The following THSD7A variants were observed in gnomAD, a reference collection of about 807,000 sequenced individuals.
THSD7A encodes the protein thrombospondin type 1 domain containing 7A, also known as thrombospondin type-1 domain-containing protein 7A.
Under a neutral mutation model 231.3 loss-of-function variants are expected in THSD7A, and 96 were observed. The observed-to-expected ratio is 0.41, with a 90% CI of 0.35 to 0.49. The LOEUF (loss-of-function observed/expected upper bound fraction) is 0.49, where lower values mean the gene tolerates loss of function less well. Ranked by LOEUF, THSD7A falls within the 20% of genes least tolerant of loss-of-function variation. The pLI, the probability that THSD7A is intolerant of heterozygous loss-of-function variation, is 0.05. For missense variants in THSD7A, 2,290 were observed against 2,070.2 expected, an observed-to-expected ratio of 1.11 and a Z score of -2.06; for synonymous variants, 940 against 743.3, an observed-to-expected ratio of 1.26 and a Z score of -4.30.
chr7:11,424,704 T>G lies in THSD7A; in HGVS notation c.3375A>C (p.Arg1125=). The change falls in exon 16 of 28, where the codon CGA becomes CGC. Residue 1125 remains arginine, a synonymous_variant. Coordinates refer to ENST00000423059, the MANE Select transcript of THSD7A (RefSeq NM_015204.3). ...ATTAGGCTTTGTCTTACCTCACTTT[T>G]CGGGTTTGCACGCCCTCTCCACAGT... ...RENCGEGVQT[R]KVRCMQNTAD... 6.2e-7 allele frequency: 1 copy of G among 1,613,976 alleles called. No homozygotes were observed. The highest frequency in any genetic ancestry group is 2.2e-5 in the East Asian group (1 of 44,876).
Position 11,823,517 on chromosome 7 carries a change from T to C in THSD7A, c.190+8240A>G, listed in dbSNP as rs187414649. ...CATGGCATTGGTATTTTGATAGAGA[T>C]TGCATTGAATCTGTAGATTTCTTTG... On this transcript the variant is annotated intron_variant, in intron 1 of 27. Coordinates refer to ENST00000423059, the MANE Select transcript of THSD7A (RefSeq NM_015204.3). Among the ~76,000 whole-genome samples the C allele has an allele frequency of 6.6e-5, 10 of 152,226 alleles. No individual in the cohort carries two copies. In the East Asian group the frequency reaches 1.7e-3, roughly 26 times the overall value.
At chr7:11,810,731 A>G (rs1784508479) in intron 1 of THSD7A, among the ~76,000 whole-genome samples, 1 of 152,220 alleles carries the variant, frequency 6.6e-6, no homozygotes, top group African/African-American at 2.4e-5. Context: ...ATGGACATGT[A>G]GGCAAAATTA....
intron 4 of THSD7A, among the ~76,000 whole-genome samples, chr7:11,543,479 A>G (rs1290389134): frequency 2.0e-5 from 3 of 152,234 alleles, no homozygotes; most frequent in Non-Finnish European, 4.4e-5. Context: ...AAAACTTCAG[A>G]GGACTGAACA....
At chr7:11,416,866 ACT>A (rs1783979547) in intron 17 of THSD7A, among the ~76,000 whole-genome samples, 1 of 151,748 alleles carries the variant, frequency 6.6e-6, no homozygotes, top group African/African-American at 2.4e-5. Context: ...GTGATTTGAA[ACT>A]CTCAGCTGGC....
At chr7:11,628,598 ATTGT>A (rs1339191752) in intron 2 of THSD7A, among the ~76,000 whole-genome samples, 6 of 151,954 alleles carry the variant, frequency 3.9e-5, no homozygotes, top group Non-Finnish European at 7.4e-5. Flanking sequence ...CTAATATTTT[ATTGT>A]TTCTTTTGTG....
At chr7:11,565,235 G>A (rs1790257933) in intron 4 of THSD7A, among the ~76,000 whole-genome samples, 1 of 152,188 alleles carries the variant, frequency 6.6e-6, no homozygotes, top group Non-Finnish European at 1.5e-5. Flanking sequence ...CAAAACTGTA[G>A]CATTTAGAAT....
chr7:11,700,565 G>GA (rs1358471812), intron 1 of THSD7A, among the ~76,000 whole-genome samples: 1 of 151,094 alleles, frequency 6.6e-6, no homozygotes, highest in Non-Finnish European at 1.5e-5. Context: ...AATCTTCATT[G>GA]AAAATTATGG....
intron 1 of THSD7A, among the ~76,000 whole-genome samples, chr7:11,830,491 T>C (rs78941164): frequency 0.025 from 3,873 of 152,372 alleles, 149 homozygotes; most frequent in African/African-American, 0.087. Flanking sequence ...AAATTAATTT[T>C]ATTTCATTTG....
chr7:11,671,096 T>C (rs1036261502), intron 1 of THSD7A, among the ~76,000 whole-genome samples: 2 of 152,196 alleles, frequency 1.3e-5, no homozygotes, highest in Non-Finnish European at 2.9e-5. Flanking sequence ...GTCCATGGAA[T>C]ACCTGAAGGC....
chr7:11,719,325 C>T (rs1781262555), intron 1 of THSD7A, among the ~76,000 whole-genome samples: 2 of 151,572 alleles, frequency 1.3e-5, no homozygotes, highest in African/African-American at 4.8e-5. Flanking sequence ...AAATGAGACT[C>T]AGTATCTGGA....
intron 1 of THSD7A, among the ~76,000 whole-genome samples, chr7:11,704,724 T>A (rs183066054): frequency 6.6e-6 from 1 of 151,098 alleles, no homozygotes; most frequent in Admixed American, 6.6e-5. Context: ...ATTTACTTCT[T>A]CTCCCCCAAA....
At chr7:11,584,415 A>G (rs1241543448) in intron 4 of THSD7A, among the ~76,000 whole-genome samples, 1 of 152,190 alleles carries the variant, frequency 6.6e-6, no homozygotes, top group Admixed American at 6.5e-5. Flanking sequence ...AATAAAATAT[A>G]AGAGTGTTTA....
chr7:11,630,961 C>T (rs1424020013), intron 2 of THSD7A, among the ~76,000 whole-genome samples: 1 of 152,186 alleles, frequency 6.6e-6, no homozygotes, highest in African/African-American at 2.4e-5. Flanking sequence ...CCTCTCCCTA[C>T]TCCTCCTCCA....
At chr7:11,532,300 A>G (rs1788741300) in intron 6 of THSD7A, among the ~76,000 whole-genome samples, 2 of 152,160 alleles carry the variant, frequency 1.3e-5, no homozygotes, top group Admixed American at 1.3e-4. Context: ...AAAAAATGAA[A>G]CAAACACAAA....
rs1427268605 is a variant in THSD7A at position 11,665,546 on chromosome 7, A to G, written c.191-28585T>C. Among the ~76,000 whole-genome samples, 3 of 152,124 alleles carry G rather than the reference A, an allele frequency of 2.0e-5. No individual in the cohort carries two copies. In the East Asian group the frequency reaches 5.8e-4, roughly 29 times the overall value. ...CAAAGAAGGTTTCTATAGTGTGACA[A>G]TTACTACCCTTCCACAATATTGTGA... On this transcript the variant is annotated intron_variant, in intron 1 of 27. Transcript: ENST00000423059.
intron 1 of THSD7A, among the ~76,000 whole-genome samples, chr7:11,701,960 T>C (rs74411347): frequency 1.2e-4 from 18 of 151,266 alleles, no homozygotes; most frequent in African/African-American, 1.7e-4. Flanking sequence ...TGATGTCTCA[T>C]GTCAAGCAAT....
intron 2 of THSD7A, among the ~76,000 whole-genome samples, chr7:11,602,923 T>C (rs570679002): frequency 2.7e-4 from 41 of 151,018 alleles, no homozygotes; most frequent in Admixed American, 1.1e-3. Context: ...CCATAAAAAC[T>C]CTAGAAGAAA....
At chr7:11,546,338 A>G (rs1002813839) in intron 4 of THSD7A, among the ~76,000 whole-genome samples, 1 of 152,076 alleles carries the variant, frequency 6.6e-6, no homozygotes, top group Admixed American at 6.5e-5. Context: ...CCTCCATCAG[A>G]GTGTTGCTGC....
intron 1 of THSD7A, among the ~76,000 whole-genome samples, chr7:11,788,209 G>C (rs1352098219): frequency 6.6e-6 from 1 of 152,066 alleles, no homozygotes; most frequent in Non-Finnish European, 1.5e-5. Context: ...TATCACAGCA[G>C]TAATGATGCA....
Sources: gnomAD v4.1 joint callset for allele counts (sites outside exome capture counted in the v4.1 genomes callset) on GRCh38, gnomAD v4.1.1 for gene constraint, MANE v1.5 for transcripts, NCBI Gene and HGNC (gene_info 2026-07-23, HGNC 2026-07-21) for gene names.